TESC: variants seen among roughly 807,000 people sequenced by gnomAD.
The protein encoded by TESC is calcineurin B homologous protein 3.
In TESC, 19 loss-of-function variants were observed where a neutral mutation model predicts 31.0. The ratio of observed to expected loss-of-function variants is 0.61; its 90% CI spans 0.43 to 0.90. The LOEUF is 0.90. Among genes scored for constraint, TESC ranks in the 40% least tolerant of loss-of-function variants. TESC has a pLI of 0.00. For synonymous variants in TESC, 109 were observed against 114.8 expected (o/e 0.95, Z 0.32); for missense variants, 248 against 303.8 (o/e 0.82, Z 1.36).
Position 117,069,249 on chromosome 12 carries a change from A to AT in TESC, c.128+6021dup, listed in dbSNP as rs555278930. Among the ~76,000 whole-genome samples the AT allele has an allele frequency of 2.1e-3, 323 of 151,894 alleles. 3 individuals carry two copies. Among genetic ancestry groups the AT allele is most frequent in the African/African-American group, 7.4e-3 (307 of 41,446 alleles). Reference sequence around the variant, plus strand: ...TAAAAAGGGAACATAACAAAATGAAATTTTTTTTGAGACAGAATCTCGCTC... The same window carrying AT: ...TAAAAAGGGAACATAACAAAATGAAATTTTTTTTTGAGACAGAATCTCGCTC... On this transcript the variant is annotated intron_variant, in intron 2 of 7. Coordinates refer to ENST00000335209, the MANE Select transcript of TESC (RefSeq NM_017899.4).
At chr12:117,094,829 G>A (rs1377480932) in intron 1 of TESC, among the ~76,000 whole-genome samples, 1 of 151,698 alleles carries the variant, frequency 6.6e-6, no homozygotes, top group African/African-American at 2.4e-5. Flanking sequence ...CAGCCTGGCC[G>A]ACATGGTGAA....
At chr12:117,064,837 C>T (rs1954853507) in intron 2 of TESC, among the ~76,000 whole-genome samples, 1 of 152,230 alleles carries the variant, frequency 6.6e-6, no homozygotes. Context: ...GTGCTACCAG[C>T]ATCTAGTGGG....
rs1296967139 is a variant in TESC at position 117,075,909 on chromosome 12, A to ATGTGTG, written c.59-570_59-569insCACACA. 5.3e-3 allele frequency among the ~76,000 whole-genome samples: 325 copies of ATGTGTG among 61,244 alleles called. 8 individuals carry two copies. The highest frequency in any genetic ancestry group is 0.02 in the East Asian group (43 of 2,188). 40.2% of individuals were successfully genotyped at this position (61,244 alleles called of 152,430 possible). A position where few individuals can be genotyped will look rare whatever the true frequency, so the allele number is the denominator to read the frequency against. The stretch of plus-strand genomic sequence containing the variant: ...TATATATATATATATATATATATAT[A>ATGTGTG]TATATGTGTGTGTGTATATATATAT... On this transcript the variant is annotated intron_variant, in intron 1 of 7. Transcript: ENST00000335209.
chr12:117,046,985 AGACT>A (rs1954576926), intron 4 of TESC, 147 bp from the exon 5 acceptor site: 6 of 816,310 alleles, frequency 7.4e-6, no homozygotes, highest in South Asian at 3.4e-5. Context: ...CTGTGGGACC[AGACT>A]GACTACTTCC....
chr12:117,068,053 G>A (rs919257890), intron 2 of TESC, among the ~76,000 whole-genome samples: 12 of 152,076 alleles, frequency 7.9e-5, no homozygotes, highest in African/African-American at 2.2e-4. Context: ...CACCATGCCC[G>A]GCTCATTTTT....
intron 1 of TESC, among the ~76,000 whole-genome samples, chr12:117,094,136 G>A (rs888956297): frequency 4.6e-5 from 7 of 152,158 alleles, no homozygotes; most frequent in Admixed American, 6.5e-5. Flanking sequence ...GCCTTCGCTC[G>A]GGCTTTTCAT....
At chr12:117,078,196 G>A (rs1182488117) in intron 1 of TESC, among the ~76,000 whole-genome samples, 1 of 152,138 alleles carries the variant, frequency 6.6e-6, no homozygotes, top group South Asian at 2.1e-4. Flanking sequence ...GGCCGGGCAC[G>A]GTGGCTCACG....
intron 4 of TESC, among the ~76,000 whole-genome samples, chr12:117,048,327 GC>G (rs1297707632): frequency 6.6e-6 from 1 of 152,204 alleles, no homozygotes; most frequent in African/African-American, 2.4e-5. Flanking sequence ...GTTCCCACCA[GC>G]CCCGCATACA....
rs760428551 is a variant in TESC at position 117,039,223 on chromosome 12, G to T, written c.568-13C>A. The T allele has an allele frequency of 4.3e-6, 7 of 1,612,014 alleles. No individual in the cohort carries two copies. Among genetic ancestry groups the T allele is most frequent in the Non-Finnish European group, 5.1e-6 (6 of 1,179,046 alleles). On this transcript the variant is annotated splice_polypyrimidine_tract_variant and intron_variant, in intron 7 of 7. Coordinates refer to ENST00000335209, the MANE Select transcript of TESC (RefSeq NM_017899.4). ...TCCCCTGCCAGATCTGGAAGGGACG[G>T]AGCAGCGTTAAGGGCACGTTCCCGC... is the stretch of plus-strand genomic sequence containing the variant.
intron 1 of TESC, among the ~76,000 whole-genome samples, chr12:117,075,863 A>ATG (rs1565971343): frequency 7.3e-4 from 36 of 49,370 alleles, no homozygotes; most frequent in Non-Finnish European, 1.1e-3. Context: ...ATATATATAT[A>ATG]TATATATGTG....
intron 2 of TESC, among the ~76,000 whole-genome samples, chr12:117,071,429 G>A (rs543395352): frequency 6.7e-6 from 1 of 148,794 alleles, no homozygotes; most frequent in East Asian, 1.9e-4. Flanking sequence ...CCCCCAGAAG[G>A]AGGCTGTGGG....
chr12:117,078,946 G>C (rs912234882), intron 1 of TESC, among the ~76,000 whole-genome samples: 2 of 152,156 alleles, frequency 1.3e-5, no homozygotes, highest in African/African-American at 2.4e-5. Flanking sequence ...TTCACTGGCT[G>C]AGTACTGTGT....
intron 1 of TESC, among the ~76,000 whole-genome samples, chr12:117,088,172 T>A (rs116152975): frequency 6.6e-6 from 1 of 152,010 alleles, no homozygotes. Context: ...TAAATACATA[T>A]CATTTATGTA....
At chr12:117,063,190 C>A (rs1223340805) in intron 2 of TESC, among the ~76,000 whole-genome samples, 4 of 152,170 alleles carry the variant, frequency 2.6e-5, no homozygotes, top group African/African-American at 9.7e-5. Flanking sequence ...GACTAAGCCC[C>A]AGTCACACAG....
At chr12:117,042,106 T>G in intron 6 of TESC, 112 bp from the exon 7 acceptor site, 1 of 1,088,444 alleles carries the variant, frequency 9.2e-7, no homozygotes, top group Non-Finnish European at 1.3e-6. Context: ...TGTAAGTTGT[T>G]GAGGCTGTTT....
chr12:117,074,222 C>G (rs1280151413), intron 2 of TESC, among the ~76,000 whole-genome samples: 2 of 151,842 alleles, frequency 1.3e-5, no homozygotes, highest in Non-Finnish European at 2.9e-5. Flanking sequence ...TAAAAAATTA[C>G]CTGGGTGTGA....
intron 3 of TESC, among the ~76,000 whole-genome samples, chr12:117,051,933 AG>A (rs1954652689): frequency 6.6e-6 from 1 of 152,126 alleles, no homozygotes. Flanking sequence ...TTTAAATAAA[AG>A]TTTATTTATT....
At chr12:117,057,055 T>C (rs1954736638) in intron 2 of TESC, among the ~76,000 whole-genome samples, 169 bp from the exon 3 acceptor site, 1 of 152,170 alleles carries the variant, frequency 6.6e-6, no homozygotes, top group South Asian at 2.1e-4. Context: ...ATCTGCCCCT[T>C]CCTCTAACCT....
At chr12:117,077,798 TTGAA>T (rs1955093619) in intron 1 of TESC, among the ~76,000 whole-genome samples, 2 of 152,146 alleles carry the variant, frequency 1.3e-5, no homozygotes, top group South Asian at 4.1e-4. Flanking sequence ...GAGGAGTAAC[TTGAA>T]TGGAGTGCAA....
Sources: gnomAD v4.1 joint callset for allele counts (sites outside exome capture counted in the v4.1 genomes callset) on GRCh38, gnomAD v4.1.1 for gene constraint, MANE v1.5 for transcripts, NCBI Gene and HGNC (gene_info 2026-07-23, HGNC 2026-07-21) for gene names.